SENP7: variants seen among roughly 807,000 people sequenced by gnomAD.
SENP7 encodes SUMO specific peptidase 7.
In SENP7, 64 loss-of-function variants were observed where a neutral mutation model predicts 141.2. The ratio of observed to expected loss-of-function variants is 0.45; its 90% confidence interval spans 0.37 to 0.56. The LOEUF is 0.56. Among genes scored for constraint, SENP7 ranks in the 20% least tolerant of loss-of-function variants. The pLI is 0.00. For missense variants in SENP7, 1,025 were observed against 1,212.2 expected (o/e 0.85, Z 2.29); for synonymous variants, 382 against 426.4 (o/e 0.90, Z 1.28).
At chr3:101,499,293 A>G (rs1576535878) in intron 2 of SENP7, among the ~76,000 whole-genome samples, 1 of 152,314 alleles carries the variant, frequency 6.6e-6, no homozygotes, top group East Asian at 1.9e-4. Context: ...GGATATAATA[A>G]AAACAAAAAT....
At chr3:101,391,957 A>G (rs2060828611) in intron 6 of SENP7, among the ~76,000 whole-genome samples, 2 of 152,204 alleles carry the variant, frequency 1.3e-5, no homozygotes. Context: ...ATTAGAACGA[A>G]GGGCAAAAAC....
chr3:101,455,213 A>T (rs2063310407), intron 4 of SENP7, among the ~76,000 whole-genome samples: 1 of 152,166 alleles, frequency 6.6e-6, no homozygotes, highest in Admixed American at 6.5e-5. Flanking sequence ...ATTCAATGTT[A>T]TTAAAACAAA....
At chr3:101,377,738 T>C (rs2060377037) in intron 6 of SENP7, among the ~76,000 whole-genome samples, 1 of 152,212 alleles carries the variant, frequency 6.6e-6, no homozygotes, top group African/African-American at 2.4e-5. Flanking sequence ...CCGTCTAGCA[T>C]TCTGTGTGAG....
intron 4 of SENP7, among the ~76,000 whole-genome samples, chr3:101,454,274 G>A (rs1320783604): frequency 6.6e-6 from 1 of 152,220 alleles, no homozygotes; most frequent in Non-Finnish European, 1.5e-5. Context: ...CAATTTGGGA[G>A]GCCAAGGTGG....
chr3:101,503,199 T>C (rs1399172370), intron 1 of SENP7, among the ~76,000 whole-genome samples: 1 of 152,172 alleles, frequency 6.6e-6, no homozygotes, highest in Non-Finnish European at 1.5e-5. Context: ...AAAATTTAAA[T>C]GGCAATGAAA....
rs899689378 is a variant in SENP7 at position 101,327,932 on chromosome 3, C to T, written c.2865-116G>A. 7 of 788,336 alleles carry T rather than the reference C, an allele frequency of 8.9e-6. No individual in the cohort carries two copies. In the Admixed American group the frequency reaches 2.3e-4, roughly 26 times the overall value. 48.8% of individuals were successfully genotyped at this position (788,336 alleles called of 1,614,324 possible). ...AGATGTGCTGTCTCAAGCCAAATTT[C>T]CACACTGAATTTTAGCAGTGCAACC... On this transcript the variant is annotated intron_variant, in intron 22 of 23. Transcript: ENST00000394095.
chr3:101,347,896 C>G lies in SENP7; in HGVS notation c.1813G>C (p.Glu605Gln). ...CATTGCTGGCTTAATACAGAGTGTT[C>G]TAATTGGGTCTGAATCTCTTGAAGA... The part of the protein sequence containing the change: ...DYLQEIQTQL[E>Q]HSVLSQQSKS... Residue 605 changes from glutamate (E) to glutamine (Q), a missense_variant, in exon 13 of 24, where the codon GAA becomes CAA. This residue lies in a region of SENP7 where 228 missense variants were observed against 228.5 expected (regional missense o/e 1.00). Coordinates refer to ENST00000394095, the MANE Select transcript of SENP7 (RefSeq NM_020654.5). 1 of 1,589,720 alleles carries G rather than the reference C, an allele frequency of 6.3e-7. No homozygotes were observed.
chr3:101,497,994 A>G (rs2065228535), intron 2 of SENP7, among the ~76,000 whole-genome samples: 1 of 152,112 alleles, frequency 6.6e-6, no homozygotes, highest in South Asian at 2.1e-4. Context: ...ATGGGGTCTC[A>G]CTATGTTGCC....
intron 4 of SENP7, among the ~76,000 whole-genome samples, chr3:101,436,680 T>C (rs1305103986): frequency 6.6e-6 from 1 of 152,064 alleles, no homozygotes; most frequent in Non-Finnish European, 1.5e-5. Context: ...GAAAAGGTGT[T>C]CAACATCATT....
intron 3 of SENP7, 44 bp from the exon 4 acceptor site, chr3:101,459,096 T>C (rs776266802): frequency 9.1e-7 from 1 of 1,097,638 alleles, no homozygotes; most frequent in Non-Finnish European, 1.3e-6. Context: ...CATATCAATA[T>C]GACAAGAGGC....
intron 11 of SENP7, among the ~76,000 whole-genome samples, chr3:101,359,887 A>G (rs1345273641): frequency 1.3e-5 from 2 of 151,918 alleles, no homozygotes; most frequent in African/African-American, 4.8e-5. Context: ...TGAGCATAAC[A>G]TGTCCACCTG....
chr3:101,402,378 C>T (rs1457878514), intron 5 of SENP7, among the ~76,000 whole-genome samples: 1 of 152,072 alleles, frequency 6.6e-6, no homozygotes, highest in South Asian at 2.1e-4. Context: ...AATCCCAGCA[C>T]TTTGGGCGGC....
chr3:101,336,517 C>A (rs2059189175), intron 17 of SENP7, among the ~76,000 whole-genome samples: 2 of 152,196 alleles, frequency 1.3e-5, no homozygotes, highest in East Asian at 3.8e-4. Context: ...CTTCATTAGA[C>A]TGCTTCCTCA....
intron 4 of SENP7, among the ~76,000 whole-genome samples, chr3:101,418,955 C>T (rs2061704461): frequency 6.6e-6 from 1 of 152,140 alleles, no homozygotes; most frequent in African/African-American, 2.4e-5. Flanking sequence ...GTTTCAGCTA[C>T]AAACAAAATA....
At chr3:101,475,465 A>T (rs548560489) in intron 3 of SENP7, among the ~76,000 whole-genome samples, 2 of 152,298 alleles carry the variant, frequency 1.3e-5, no homozygotes, top group South Asian at 4.1e-4. Context: ...AGAAAAACAA[A>T]CACCACATGT....
chr3:101,417,533 A>G, intron 5 of SENP7, 60 bp downstream of exon 5: 1 of 1,322,484 alleles, frequency 7.6e-7, no homozygotes, highest in Non-Finnish European at 1.1e-6. Flanking sequence ...CATTAGGAGT[A>G]CGGGATTCAT....
At chr3:101,479,638 T>C (rs1374786334) in intron 3 of SENP7, among the ~76,000 whole-genome samples, 5 of 149,978 alleles carry the variant, frequency 3.3e-5, no homozygotes, top group Non-Finnish European at 7.4e-5. Context: ...AGATCTCATA[T>C]GCAGATATGA....
At chr3:101,376,623 G>A (rs1325017077) in intron 6 of SENP7, among the ~76,000 whole-genome samples, 1 of 151,958 alleles carries the variant, frequency 6.6e-6, no homozygotes, top group Non-Finnish European at 1.5e-5. Flanking sequence ...ATCACACTCT[G>A]GGGACTGTTG....
intron 17 of SENP7, among the ~76,000 whole-genome samples, chr3:101,336,343 T>C (rs1313086490): frequency 2.6e-5 from 4 of 152,164 alleles, no homozygotes; most frequent in Non-Finnish European, 5.9e-5. Context: ...TAACTCTTGT[T>C]TATTACTCCT....
Sources: allele counts gnomAD v4.1 joint callset (sites outside exome capture counted in the v4.1 genomes callset), GRCh38; gene constraint gnomAD v4.1.1; regional missense constraint gnomAD v4.1.1; transcripts MANE v1.5; gene names NCBI Gene and HGNC (gene_info 2026-07-23, HGNC 2026-07-21).